Variants in TEP1 observed in about 807,000 individuals in gnomAD.
TEP1 encodes telomerase associated protein 1.
A neutral mutation model predicts 306.3 loss-of-function variants in TEP1; 241 were observed. The ratio of observed to expected loss-of-function variants is 0.79; its 90% confidence interval spans 0.71 to 0.88. The LOEUF (loss-of-function observed/expected upper bound fraction) is 0.88. Among genes scored for constraint, TEP1 ranks in the 40% least tolerant of loss-of-function variants. TEP1 has a pLI of 0.00. For synonymous variants in TEP1, 1,289 were observed against 1,305.5 expected (o/e 0.99, Z 0.27); for missense variants, 3,051 against 3,276.1 (o/e 0.93, Z 1.68).
Position 20,386,455 on chromosome 14 carries a change from A to T in TEP1, c.2853T>A (p.Arg951=). ...LRWGVTEEET[R]RNRQLEVCLG... Reference sequence around the variant, plus strand: ...CTCTGCAGCCCCCACACCTGTTCCTACGGGTCTCCTCCTCAGTGACGCCCC... The same window carrying T: ...CTCTGCAGCCCCCACACCTGTTCCTTCGGGTCTCCTCCTCAGTGACGCCCC... The change falls in exon 19 of 55, where the codon CGT becomes CGA. Residue 951 remains arginine, a synonymous_variant. Transcript: ENST00000262715. 2 of 1,602,864 alleles carry T rather than the reference A, an allele frequency of 1.2e-6. No homozygotes were observed. The highest frequency in any genetic ancestry group is 1.1e-5 in the South Asian group (1 of 90,362).
chr14:20,368,992 C>T, intron 53 of TEP1, 90 bp from the exon 54 acceptor site: 1 of 888,536 alleles, frequency 1.1e-6, no homozygotes, highest in Non-Finnish European at 1.8e-6. Flanking sequence ...GACCTACAGC[C>T]CTCCTCCCTT....
intron 18 of TEP1, among the ~76,000 whole-genome samples, chr14:20,387,671 T>C (rs1233500787): frequency 6.6e-6 from 1 of 152,256 alleles, no homozygotes; most frequent in Non-Finnish European, 1.5e-5. Flanking sequence ...CATACGGCCA[T>C]GATGTCTGCC....
chr14:20,373,619 C>A, intron 45 of TEP1, 36 bp from the exon 46 acceptor site: 2 of 1,614,062 alleles, frequency 1.2e-6, no homozygotes, highest in South Asian at 2.2e-5. Context: ...GAAGAAGGGA[C>A]GGAGCAGGGG....
intron 1 of TEP1, among the ~76,000 whole-genome samples, chr14:20,411,484 G>A (rs1406730216): frequency 6.6e-6 from 1 of 152,124 alleles, no homozygotes. Context: ...GCCCCAGTCT[G>A]ATTTAGGTGG....
At position 20,404,628 on chromosome 14, in the gene TEP1, C is replaced by A; in HGVS notation, c.1015G>T (p.Val339Leu). The change falls in exon 5 of 55, where the codon GTG (valine) becomes TTG (leucine). Residue 339 changes from valine (V) to leucine (L), a missense_variant. This residue lies in a region of TEP1 where 1,507 missense variants were observed against 1,550.5 expected (regional missense o/e 0.97). Transcript: ENST00000262715. ...IVQLPSDWIQ[V>L]AELYQSLAEG... is the part of the protein sequence containing the mutation. Reference sequence around the variant, plus strand: ...CACCATACCTGGTAAAGCTCAGCCACCTGGATCCAGTCAGAAGGCAGCTGG... The same window carrying A: ...CACCATACCTGGTAAAGCTCAGCCAACTGGATCCAGTCAGAAGGCAGCTGG... 1 of 1,613,522 alleles carries A rather than the reference C, an allele frequency of 6.2e-7. No homozygotes were observed. The highest frequency in any genetic ancestry group is 8.5e-7 in the Non-Finnish European group (1 of 1,179,738).
intron 9 of TEP1, 195 bp downstream of exon 9, chr14:20,400,789 A>G: frequency 3.1e-6 from 2 of 635,886 alleles, no homozygotes; most frequent in South Asian, 4.6e-5. Flanking sequence ...ATAATGATCT[A>G]TGATGCCAAC....
chr14:20,393,645 A>C (rs980690345), intron 12 of TEP1, among the ~76,000 whole-genome samples: 1 of 152,174 alleles, frequency 6.6e-6, no homozygotes, highest in Non-Finnish European at 1.5e-5. Context: ...TACAAAAATT[A>C]GCGGGGTGTG....
At chr14:20,406,086 G>T in intron 3 of TEP1, 147 bp downstream of exon 3, 1 of 571,392 alleles carries the variant, frequency 1.8e-6, no homozygotes, top group Non-Finnish European at 2.9e-6. Flanking sequence ...AAAGAAAAAA[G>T]AAAAGGGGAT....
At chr14:20,397,739 T>C (rs1426630706) in intron 9 of TEP1, among the ~76,000 whole-genome samples, 1 of 152,130 alleles carries the variant, frequency 6.6e-6, no homozygotes, top group African/African-American at 2.4e-5. Context: ...ATTAATATTA[T>C]CTTCAAGCCA....
intron 12 of TEP1, among the ~76,000 whole-genome samples, chr14:20,394,607 G>A (rs1328494329): frequency 6.6e-6 from 1 of 150,876 alleles, no homozygotes; most frequent in Non-Finnish European, 1.5e-5. Flanking sequence ...AGTCTCCCAA[G>A]TAGCTGGGAT....
chr14:20,394,106 G>T (rs1214375527), intron 12 of TEP1, among the ~76,000 whole-genome samples: 2 of 151,938 alleles, frequency 1.3e-5, no homozygotes, highest in Admixed American at 6.6e-5. Flanking sequence ...AAGGGACAGG[G>T]TCTTCCTCTG....
intron 29 of TEP1, 27 bp downstream of exon 29, chr14:20,382,197 C>T: frequency 6.2e-7 from 1 of 1,614,068 alleles, no homozygotes; most frequent in Non-Finnish European, 8.5e-7. Flanking sequence ...CCCTCAGCCT[C>T]CCAACCAACC....
Position 20,375,887 on chromosome 14 carries a change from G to A in TEP1, c.6250-19C>T. On this transcript the variant is annotated intron_variant, in intron 42 of 54. Transcript: ENST00000262715. ...GGAGACTCTGGATAGGCCCCAAGGA[G>A]AGGGAGCAATCAGGACCAAAGGAAG... is the stretch of plus-strand genomic sequence containing the variant. 6.3e-7 allele frequency: 1 copy of A among 1,590,366 alleles called. No homozygotes were observed. The highest frequency in any genetic ancestry group is 8.6e-7 in the Non-Finnish European group (1 of 1,159,240).
rs1884930780 is a variant in TEP1, at chr14:20,372,847, T to C, written c.6962A>G (p.His2321Arg). The C allele has an allele frequency of 6.2e-7, 1 of 1,614,212 alleles. No individual in the cohort carries two copies. Among genetic ancestry groups the C allele is most frequent in the South Asian group, 1.1e-5 (1 of 91,080 alleles). ...CGAGGACCAGATCAGAGCACCAATG[T>C]GGCCTGGAGCCTGGTGTACACAACA... ...KAVATAQAPG[H>R]IGALIWSSAH... Residue 2321 changes from histidine to arginine, a missense_variant, in exon 49 of 55, where the codon CAC becomes CGC. Physicochemically the swap from His to Arg is conservative, Grantham distance 29. Coordinates refer to ENST00000262715, the MANE Select transcript of TEP1 (RefSeq NM_007110.5).
At chr14:20,390,600 C>A (rs1319322938) in intron 15 of TEP1, 81 bp downstream of exon 15, 1 of 1,414,862 alleles carries the variant, frequency 7.1e-7, no homozygotes, top group African/African-American at 1.4e-5. Flanking sequence ...GAAGTCAGCT[C>A]TAAAGGTCAA....
rs547231186 is a variant in TEP1 at position 20,386,995 on chromosome 14, C to T, written c.2685-372G>A. ...TGTTGCCCAGGCTAGAGTAAAATGG[C>T]GCGATCTCGGCTCACTGCAACCTCT... On this transcript the variant is annotated intron_variant, in intron 18 of 54. Coordinates refer to ENST00000262715, the MANE Select transcript of TEP1 (RefSeq NM_007110.5). 6.6e-5 allele frequency among the ~76,000 whole-genome samples: 10 copies of T among 151,330 alleles called. No individual in the cohort carries two copies. In the South Asian group the frequency reaches 2.1e-3, roughly 32 times the overall value.
intron 12 of TEP1, among the ~76,000 whole-genome samples, chr14:20,395,118 AAAG>A (rs1229993162): frequency 6.6e-6 from 1 of 152,224 alleles, no homozygotes; most frequent in African/African-American, 2.4e-5. Context: ...CAGAAAAGAA[AAAG>A]AAAACCATGA....
Position 20,374,548 on chromosome 14 carries a change from G to T in TEP1, c.6364-12C>A, listed in dbSNP as rs563731688. On this transcript the variant is annotated splice_polypyrimidine_tract_variant and intron_variant, in intron 43 of 54. Coordinates refer to ENST00000262715, the MANE Select transcript of TEP1 (RefSeq NM_007110.5). ...CTGGAGCAGGATATCTACAGAGTCAGAAGTCAGAGGAGTGGGATTATCAGC... is the reference window on the plus strand; with the variant it reads ...CTGGAGCAGGATATCTACAGAGTCATAAGTCAGAGGAGTGGGATTATCAGC... 6 of 1,591,752 alleles carry T rather than the reference G, an allele frequency of 3.8e-6. No individual in the cohort carries two copies. Among genetic ancestry groups the T allele is most frequent in the Non-Finnish European group, 5.2e-6 (6 of 1,163,354 alleles).
Position 20,377,480 on chromosome 14 carries a change from GC to G in TEP1, c.5887del (p.Ala1963LeufsTer16). On this transcript the variant is annotated frameshift_variant, in exon 41 of 55. Transcript: ENST00000262715. LOFTEE classifies it high-confidence loss of function. ...IYKISSGSQG[A>X]QGQALDVAVS... ...TGCCACATCCAGTGCCTGACCCTGA[GC>G]CCCCTGGGAACCTAGAGAATGAGAG... is the stretch of plus-strand genomic sequence containing the variant. 3 of 1,613,918 alleles carry G rather than the reference GC, an allele frequency of 1.9e-6. No individual in the cohort carries two copies. Among genetic ancestry groups the G allele is most frequent in the South Asian group, 1.1e-5 (1 of 91,084 alleles).
Sources: gnomAD v4.1 joint callset for allele counts (sites outside exome capture counted in the v4.1 genomes callset) on GRCh38, gnomAD v4.1.1 for gene constraint, gnomAD v4.1.1 regional missense constraint, MANE v1.5 for transcripts, NCBI Gene and HGNC (gene_info 2026-07-23, HGNC 2026-07-21) for gene names.